EIF2AK2: variants seen among roughly 807,000 people sequenced by gnomAD.
The protein encoded by EIF2AK2 is eukaryotic translation initiation factor 2 alpha kinase 2, also known as interferon-induced, double-stranded RNA-activated protein kinase.
EIF2AK2 carries 40 observed loss-of-function variants against 70.5 expected under a neutral mutation model. The observed-to-expected ratio is 0.57, with a 90% CI of 0.44 to 0.74. The LOEUF is 0.74. Ranked by LOEUF, EIF2AK2 falls within the 30% of genes least tolerant of loss-of-function variation. The pLI is 0.00. For synonymous variants in EIF2AK2, 198 were observed against 220.9 expected, an observed-to-expected ratio of 0.90 and a Z score of 0.92; for missense variants, 555 against 644.3, an observed-to-expected ratio of 0.86 and a Z score of 1.50.
chr2:37,115,545 G>C (rs4648228), intron 13 of EIF2AK2, among the ~76,000 whole-genome samples: 8,981 of 152,130 alleles, frequency 0.059, 419 homozygotes, highest in African/African-American at 0.13. Flanking sequence ...TAATAGTGTT[G>C]TCCAAAGAAT....
At position 37,138,376 on chromosome 2, in the gene EIF2AK2, G is replaced by A. The variant is rs376199825; in HGVS notation, c.594-13C>T. 6.2e-7 allele frequency: 1 copy of A among 1,609,760 alleles called. No homozygotes were observed. Among genetic ancestry groups the A allele is most frequent in the African/African-American group, 1.3e-5 (1 of 74,806 alleles). ...TGATTCAGAAGCGCTAGAAGAAAAG[G>A]GTGTAACTATTAGTTTATTAATTCT... On this transcript the variant is annotated splice_polypyrimidine_tract_variant and intron_variant, in intron 7 of 16. Transcript: ENST00000233057.
chr2:37,107,096 G>T lies in EIF2AK2; in HGVS notation c.*177C>A. On this transcript the variant is annotated 3_prime_UTR_variant, in exon 17 of 17. Transcript: ENST00000233057. Reference sequence around the variant, plus strand: ...CCAGGAAAAAGTAAAATGTAAGAATGTTTTTGAAGCAAAAAGAAGAAAACC... The same window carrying T: ...CCAGGAAAAAGTAAAATGTAAGAATTTTTTTGAAGCAAAAAGAAGAAAACC... 18 of 743,872 alleles carry T rather than the reference G, an allele frequency of 2.4e-5. No individual in the cohort carries two copies. The highest frequency in any genetic ancestry group is 3.1e-5 in the Non-Finnish European group (16 of 515,014). 46.1% of individuals were successfully genotyped at this position (743,872 alleles called of 1,614,324 possible). A position where few individuals can be genotyped will look rare whatever the true frequency, so the allele number is the denominator to read the frequency against.
chr2:37,125,437 C>A (rs762784450), intron 11 of EIF2AK2, among the ~76,000 whole-genome samples: 1 of 152,244 alleles, frequency 6.6e-6, no homozygotes, highest in African/African-American at 2.4e-5. Context: ...ATGGTAGTGA[C>A]GTTCTGGAAC....
At chr2:37,146,088 TTC>T (rs1675527689) in intron 4 of EIF2AK2, among the ~76,000 whole-genome samples, 2 of 152,128 alleles carry the variant, frequency 1.3e-5, no homozygotes, top group African/African-American at 4.8e-5. Flanking sequence ...ACCGTACTTT[TTC>T]TGTGTTTAGA....
chr2:37,109,152 A>C lies in EIF2AK2; in HGVS notation c.1479+42T>G, dbSNP rs1426471484. 1.9e-6 allele frequency: 3 copies of C among 1,583,338 alleles called. No individual in the cohort carries two copies. The East Asian group carries it at 6.7e-5, about 35-fold the overall frequency. ...CAGCAGCACTCTGAAGGTGGTAGTC[A>C]GTAATTTTTCTTGTTTAATTCTTTC... is the stretch of plus-strand genomic sequence containing the variant. On this transcript the variant is annotated intron_variant, in intron 15 of 16. Coordinates refer to ENST00000233057, the MANE Select transcript of EIF2AK2 (RefSeq NM_001135651.3).
chr2:37,114,339 A>G (rs1229872285), intron 14 of EIF2AK2, among the ~76,000 whole-genome samples: 2 of 151,994 alleles, frequency 1.3e-5, no homozygotes, highest in South Asian at 4.1e-4. Context: ...TATTAAATTT[A>G]AAAAAATAGT....
At position 37,127,430 on chromosome 2, in the gene EIF2AK2, A is replaced by C. The variant is rs550896801; in HGVS notation, c.786-1019T>G. Among the ~76,000 whole-genome samples, 15 of 152,312 alleles carry C rather than the reference A, an allele frequency of 9.8e-5. No homozygotes were observed. In the East Asian group the frequency reaches 2.9e-3, roughly 29 times the overall value. On this transcript the variant is annotated intron_variant, in intron 10 of 16. Transcript: ENST00000233057. ...CATTCCACAAAAACAAAAAGCCCTT[A>C]AATGGCCTATAAGGTGCCAAATGAG... is the stretch of plus-strand genomic sequence containing the variant.
chr2:37,130,873 C>T (rs1674916355), intron 10 of EIF2AK2, among the ~76,000 whole-genome samples: 1 of 152,164 alleles, frequency 6.6e-6, no homozygotes, highest in Non-Finnish European at 1.5e-5. Context: ...CACAGCCAGG[C>T]TTTTAAATTT....
In EIF2AK2 at chr2:37,106,773, G is replaced by T. The variant is rs148247112; in HGVS notation, c.*500C>A. 6.6e-6 allele frequency: 1 copy of T among 152,602 alleles called. No individual in the cohort carries two copies. Among genetic ancestry groups the T allele is most frequent in the African/African-American group, 2.4e-5 (1 of 41,548 alleles). 9.5% of individuals were successfully genotyped at this position (152,602 alleles called of 1,614,324 possible). On this transcript the variant is annotated 3_prime_UTR_variant, in exon 17 of 17. Coordinates refer to ENST00000233057, the MANE Select transcript of EIF2AK2 (RefSeq NM_001135651.3). ...GAACAAAGAGATGAGGCTGGGCGCG[G>T]TGGCTCATCCCTGTAATCCCAGCAC...
chr2:37,141,656 ATCC>A lies in EIF2AK2; in HGVS notation c.283_285del (p.Gly95del). The A allele has an allele frequency of 6.2e-7, 1 of 1,613,970 alleles. No homozygotes were observed. Among genetic ancestry groups the A allele is most frequent in the Non-Finnish European group, 8.5e-7 (1 of 1,179,954 alleles). On this transcript the variant is annotated inframe_deletion, in exon 5 of 17. Coordinates refer to ENST00000233057, the MANE Select transcript of EIF2AK2 (RefSeq NM_001135651.3). ...AGGCCTATGTAATTCCCCATGGATA[ATCC>A]TTCTGAAGAATTCGTTGTTGTCAAT...
intron 10 of EIF2AK2, among the ~76,000 whole-genome samples, chr2:37,126,996 A>AAAAAAC (rs1674760265): frequency 8.6e-6 from 1 of 116,056 alleles, no homozygotes; most frequent in Admixed American, 8.8e-5. Flanking sequence ...AAAAAAAAAA[A>AAAAAAC]AAAAGCCATG....
chr2:37,155,581 T>G (rs1217557901), intron 1 of EIF2AK2, among the ~76,000 whole-genome samples: 4 of 152,206 alleles, frequency 2.6e-5, no homozygotes, highest in Admixed American at 6.6e-5. Flanking sequence ...CTGACTGCTT[T>G]TTAAACTAAT....
intron 13 of EIF2AK2, among the ~76,000 whole-genome samples, chr2:37,116,481 G>A (rs1022596340): frequency 6.6e-6 from 1 of 152,150 alleles, no homozygotes; most frequent in African/African-American, 2.4e-5. Context: ...TACAATCTTA[G>A]GCTAAACACA....
chr2:37,137,279 C>A (rs1675161663), intron 8 of EIF2AK2, among the ~76,000 whole-genome samples: 1 of 152,124 alleles, frequency 6.6e-6, no homozygotes, highest in Non-Finnish European at 1.5e-5. Flanking sequence ...ATATTTGTTG[C>A]CCATTTGGGT....
chr2:37,108,790 G>A (rs759664316), intron 15 of EIF2AK2, among the ~76,000 whole-genome samples: 5 of 152,146 alleles, frequency 3.3e-5, no homozygotes, highest in South Asian at 4.1e-4. Flanking sequence ...GGCTGGTCTC[G>A]AACACCTGAC....
chr2:37,156,400 G>GGTGA (rs1380373193), intron 1 of EIF2AK2, among the ~76,000 whole-genome samples: 1 of 152,178 alleles, frequency 6.6e-6, no homozygotes, highest in Non-Finnish European at 1.5e-5. Flanking sequence ...AAGAGGTAGG[G>GGTGA]GGTGGAGGTT....
intron 1 of EIF2AK2, among the ~76,000 whole-genome samples, 152 bp downstream of exon 1, chr2:37,156,756 A>G (rs1315242849): frequency 6.6e-6 from 1 of 152,062 alleles, no homozygotes; most frequent in Non-Finnish European, 1.5e-5. Flanking sequence ...GTGCTGACCC[A>G]GCCGGGGCCA....
At chr2:37,119,938 T>A in intron 13 of EIF2AK2, 21 bp downstream of exon 13, 3 of 1,274,846 alleles carry the variant, frequency 2.4e-6, no homozygotes, top group Non-Finnish European at 3.1e-6. Flanking sequence ...TATCAATTAA[T>A]AAAGTACATT....
At chr2:37,141,426 A>G (rs768755280) in intron 5 of EIF2AK2, 127 bp downstream of exon 5, 6 of 1,128,488 alleles carry the variant, frequency 5.3e-6, no homozygotes, top group East Asian at 2.5e-5. Context: ...TTACTTATCA[A>G]TCATGTAAAA....
Sources: gnomAD v4.1 joint callset for allele counts (sites outside exome capture counted in the v4.1 genomes callset) on GRCh38, gnomAD v4.1.1 for gene constraint, MANE v1.5 for transcripts, NCBI Gene and HGNC (gene_info 2026-07-23, HGNC 2026-07-21) for gene names.